The following PPP1R1B variants were observed in gnomAD, a reference collection of about 807,000 sequenced individuals.
PPP1R1B encodes the protein protein phosphatase 1 regulatory inhibitor subunit 1B.
PPP1R1B carries 13 observed loss-of-function variants against 28.2 expected under a neutral mutation model. The observed-to-expected ratio is 0.46, with a 90% CI of 0.30 to 0.73. The LOEUF is 0.73. PPP1R1B is among the 30% of genes least tolerant of loss of function. The pLI, the probability that PPP1R1B is intolerant of heterozygous loss-of-function variation, is 0.07. For missense variants in PPP1R1B, 236 were observed against 256.7 expected, an observed-to-expected ratio of 0.92 and a Z score of 0.55; for synonymous variants, 102 against 97.5, an observed-to-expected ratio of 1.05 and a Z score of -0.27.
intron 3 of PPP1R1B, 137 bp from the exon 4 acceptor site, chr17:39,629,835 A>T: frequency 1.0e-6 from 1 of 967,804 alleles, no homozygotes; most frequent in Non-Finnish European, 1.6e-6. Context: ...CAGGGTGGGG[A>T]GGCTCAGCCT....
intron 1 of PPP1R1B, among the ~76,000 whole-genome samples, chr17:39,627,903 C>T (rs2056849064): frequency 6.6e-6 from 1 of 152,052 alleles, no homozygotes; most frequent in African/African-American, 2.4e-5. Context: ...TCACCCAGGG[C>T]AGGAGTATGA....
At chr17:39,635,128 G>A (rs1410373172) in intron 5 of PPP1R1B, among the ~76,000 whole-genome samples, 4 of 152,108 alleles carry the variant, frequency 2.6e-5, no homozygotes, top group Admixed American at 6.5e-5. Flanking sequence ...CCTGGGAGGT[G>A]GAAGTTGCAG....
At position 39,630,152 on chromosome 17, in the gene PPP1R1B, A is replaced by G. The variant is rs561601258; in HGVS notation, c.241+105A>G. On this transcript the variant is annotated intron_variant, in intron 4 of 6. Transcript: ENST00000254079. ...GGGGAGGGATTGTTTCGCCACACAT[A>G]GCCCGCTGTCAGCGTGGCGCAACAA... 16 of 1,104,530 alleles carry G rather than the reference A, an allele frequency of 1.4e-5. No individual in the cohort carries two copies. In the African/African-American group the frequency reaches 2.2e-4, roughly 15 times the overall value. The allele number at this position is 1,104,530 out of a possible 1,614,324, so 68.4% of individuals were successfully genotyped here. A position where few individuals can be genotyped will look rare whatever the true frequency, so the allele number is the denominator to read the frequency against.
In PPP1R1B at chr17:39,629,186, C is replaced by G; in HGVS notation, c.98C>G (p.Pro33Arg). The G allele has an allele frequency of 6.2e-7, 1 of 1,613,546 alleles. No homozygotes were observed. The highest frequency in any genetic ancestry group is 8.5e-7 in the Non-Finnish European group (1 of 1,179,868). The change falls in exon 2 of 7, where the codon CCA becomes CGA. Residue 33 changes from proline to arginine, a missense_variant. Transcript: ENST00000254079. ...RQVEMIRRRR[P>R]TPAMLFRLSE... ...TCTCCTTAGATCCGGCGCAGGAGAC[C>G]AACGCCTGCCATGCTGTTCCGGCTC...
rs1567847557 is a variant in PPP1R1B, at chr17:39,629,554, C to G, written c.157C>G (p.Pro53Ala). The G allele has an allele frequency of 1.2e-6, 2 of 1,613,728 alleles. No individual in the cohort carries two copies. The highest frequency in any genetic ancestry group is 1.7e-6 in the Non-Finnish European group (2 of 1,179,960). ...GCCTTCCTCAGAGGAGGAAGCCTCC[C>G]CCCACCAGGTGAGTTTCCTGGGGCA... ...EHSSPEEEAS[P>A]HQRASGEGHH... The change falls in exon 3 of 7, where the codon CCC (proline) becomes GCC (alanine). Residue 53 changes from proline to alanine, a missense_variant. By Grantham distance (27) the Pro-to-Ala change is conservative. Coordinates refer to ENST00000254079, the MANE Select transcript of PPP1R1B (RefSeq NM_032192.4).
Position 39,627,189 on chromosome 17 carries a change from C to T in PPP1R1B, c.-204C>T, listed in dbSNP as rs1216616314. 5 of 492,890 alleles carry T rather than the reference C, an allele frequency of 1.0e-5. No homozygotes were observed. Among genetic ancestry groups the T allele is most frequent in the Non-Finnish European group, 1.8e-5 (5 of 282,112 alleles). 30.5% of individuals were successfully genotyped at this position (492,890 alleles called of 1,614,324 possible). ...GGGGGCGAGCCCCGAGTCCCGAGAG[C>T]CTGGGGGCGCGCCCAGCCCGGGCGC... On this transcript the variant is annotated 5_prime_UTR_variant, in exon 1 of 7. Transcript: ENST00000254079.
chr17:39,635,548 C>T, intron 5 of PPP1R1B, 59 bp from the exon 6 acceptor site: 1 of 1,581,504 alleles, frequency 6.3e-7, no homozygotes, highest in South Asian at 1.1e-5. Context: ...GCTCACACTC[C>T]AGGACAGCCG....
intron 1 of PPP1R1B, among the ~76,000 whole-genome samples, 185 bp from the exon 2 acceptor site, chr17:39,628,985 T>A (rs190388598): frequency 2.1e-4 from 32 of 152,350 alleles, no homozygotes; most frequent in Admixed American, 2.0e-3. Flanking sequence ...CAAATCTCTC[T>A]GAGCCCTGCT....
rs988749722 is a variant in PPP1R1B at position 39,636,051 on chromosome 17, C to A, written c.*186C>A. 3 of 656,404 alleles carry A rather than the reference C, an allele frequency of 4.6e-6. No homozygotes were observed. The highest frequency in any genetic ancestry group is 7.6e-6 in the Non-Finnish European group (3 of 393,292). The allele number at this position is 656,404 out of a possible 1,614,324, so 40.7% of individuals were successfully genotyped here. A position where few individuals can be genotyped will look rare whatever the true frequency, so the allele number is the denominator to read the frequency against. On this transcript the variant is annotated 3_prime_UTR_variant, in exon 7 of 7. Transcript: ENST00000254079. Reference sequence around the variant, plus strand: ...CACCTTTGGCTGATACCCAGAGAACCTGGGCACTTGCTGCCTGATGCCCAC... The same window carrying A: ...CACCTTTGGCTGATACCCAGAGAACATGGGCACTTGCTGCCTGATGCCCAC...
In PPP1R1B at chr17:39,636,097, T is replaced by G; in HGVS notation, c.*232T>G. 1 of 560,448 alleles carries G rather than the reference T, an allele frequency of 1.8e-6. No individual in the cohort carries two copies. 34.7% of individuals were successfully genotyped at this position (560,448 alleles called of 1,614,324 possible). ...CCCACCCCTGCCAGTCATTCCTCCA[T>G]TCACCCAGCGGGAGGTGGGATGTGA... On this transcript the variant is annotated 3_prime_UTR_variant, in exon 7 of 7. Coordinates refer to ENST00000254079, the MANE Select transcript of PPP1R1B (RefSeq NM_032192.4).
chr17:39,634,021 A>G lies in PPP1R1B; in HGVS notation c.380A>G (p.Asp127Gly), dbSNP rs2056898259. 2 of 1,613,758 alleles carry G rather than the reference A, an allele frequency of 1.2e-6. No individual in the cohort carries two copies. The highest frequency in any genetic ancestry group is 1.3e-5 in the African/African-American group (1 of 74,930). ...PREEDEEEEE[D>G]DEEEEEEEDS... ...GAGGAAGATGAGGAGGAAGAGGAGG[A>G]TGATGAAGAAGAGGAAGAAGAAGAG... The change falls in exon 5 of 7, where the codon GAT becomes GGT. Residue 127 changes from aspartate to glycine, a missense_variant. Physicochemically the swap from Asp to Gly is moderately conservative, Grantham distance 94. Transcript: ENST00000254079.
At chr17:39,635,573 G>A in intron 5 of PPP1R1B, 34 bp from the exon 6 acceptor site, 1 of 1,604,164 alleles carries the variant, frequency 6.2e-7, no homozygotes, top group Non-Finnish European at 8.5e-7. Flanking sequence ...GATACGCAGA[G>A]CCTGTGTTCT....
chr17:39,630,166 G>A (rs905474594), intron 4 of PPP1R1B, 119 bp downstream of exon 4: 36 of 994,450 alleles, frequency 3.6e-5, no homozygotes, highest in Admixed American at 1.0e-4. Flanking sequence ...CGCTGTCAGC[G>A]TGGCGCAACA....
chr17:39,636,034 G>C lies in PPP1R1B; in HGVS notation c.*169G>C. 1.3e-6 allele frequency: 1 copy of C among 753,678 alleles called. No homozygotes were observed. Among genetic ancestry groups the C allele is most frequent in the South Asian group, 1.9e-5 (1 of 52,802 alleles). 46.7% of individuals were successfully genotyped at this position (753,678 alleles called of 1,614,324 possible). A position where few individuals can be genotyped will look rare whatever the true frequency, so the allele number is the denominator to read the frequency against. On this transcript the variant is annotated 3_prime_UTR_variant, in exon 7 of 7. Transcript: ENST00000254079. The stretch of plus-strand genomic sequence containing the variant: ...GTGTTTGCTTGTTTGCCCACCTTTG[G>C]CTGATACCCAGAGAACCTGGGCACT...
At position 39,633,877 on chromosome 17, in the gene PPP1R1B, T is replaced by G. The variant is rs371194033; in HGVS notation, c.242-6T>G. 15 of 1,613,290 alleles carry G rather than the reference T, an allele frequency of 9.3e-6. No homozygotes were observed. The highest frequency in any genetic ancestry group is 2.7e-5 in the African/African-American group (2 of 74,926). On this transcript the variant is annotated splice_polypyrimidine_tract_variant and splice_region_variant and intron_variant, in intron 4 of 6. Transcript: ENST00000254079. ...CCCTTGCTTTCCTCGGTCTCCTCTG[T>G]GCCAGCTGTGCAGCGCATTGCTGAG...
chr17:39,635,862 A>G lies in PPP1R1B; in HGVS notation c.612A>G (p.Thr204=), dbSNP rs1324568041. Residue 204 remains threonine (T), a synonymous_variant, in exon 7 of 7, where the codon ACA becomes ACG. Transcript: ENST00000254079. ...GCCCTTCCCCCTCTGAGCCTGGCAC[A>G]TAGGCACCCAGCCTGCATCTCCCAG... ...PQRPSPSEPG[T] is the part of the protein sequence containing the mutation. 1 of 1,612,734 alleles carries G rather than the reference A, an allele frequency of 6.2e-7. No individual in the cohort carries two copies. The highest frequency in any genetic ancestry group is 2.2e-5 in the East Asian group (1 of 44,890).
intron 3 of PPP1R1B, 98 bp downstream of exon 3, chr17:39,629,660 C>A: frequency 7.9e-7 from 1 of 1,257,994 alleles, no homozygotes; most frequent in Non-Finnish European, 1.1e-6. Context: ...TGGGGTGCCA[C>A]CCAAGAGGAC....
chr17:39,631,954 C>G (rs527759568), intron 4 of PPP1R1B, among the ~76,000 whole-genome samples: 2 of 152,134 alleles, frequency 1.3e-5, no homozygotes, highest in African/African-American at 4.8e-5. Flanking sequence ...GAGGGGAAGA[C>G]CTGGCTCTTG....
At chr17:39,634,190 A>T in intron 5 of PPP1R1B, 104 bp downstream of exon 5, 2 of 1,426,446 alleles carry the variant, frequency 1.4e-6, no homozygotes, top group Non-Finnish European at 1.9e-6. Context: ...AACTGTAGTG[A>T]CACCACAGGG....
Sources: gnomAD v4.1 joint callset for allele counts (sites outside exome capture counted in the v4.1 genomes callset) on GRCh38, gnomAD v4.1.1 for gene constraint, MANE v1.5 for transcripts, NCBI Gene and HGNC (gene_info 2026-07-23, HGNC 2026-07-21) for gene names.